The following CMTR1 variants were observed in gnomAD, a reference collection of about 807,000 sequenced individuals.
CMTR1 encodes cap methyltransferase 1.
CMTR1 carries 39 observed loss-of-function variants against 107.0 expected under a neutral mutation model. That is an observed-to-expected ratio of 0.36 (90% CI 0.28 to 0.48). The LOEUF (loss-of-function observed/expected upper bound fraction) is 0.48, where lower values mean the gene tolerates loss of function less well. Among genes scored for constraint, CMTR1 ranks in the 20% least tolerant of loss-of-function variants. The pLI, the probability that CMTR1 is intolerant of heterozygous loss-of-function variation, is 0.99. For synonymous variants in CMTR1, 366 were observed against 379.5 expected, an observed-to-expected ratio of 0.96 and a Z score of 0.41; for missense variants, 672 against 1,064.9, an observed-to-expected ratio of 0.63 and a Z score of 5.14.
chr6:37,451,486 C>G (rs1005499288), intron 5 of CMTR1, among the ~76,000 whole-genome samples: 2 of 152,162 alleles, frequency 1.3e-5, no homozygotes, highest in Non-Finnish European at 2.9e-5. Flanking sequence ...CCTTCTGCCT[C>G]CATGCTCCAG....
At position 37,478,426 on chromosome 6, in the gene CMTR1, T is replaced by C. The variant is rs1761784776; in HGVS notation, c.2171T>C (p.Ile724Thr). The change falls in exon 22 of 24, where the codon ATC becomes ACC. Residue 724 changes from isoleucine (I) to threonine (T), a missense_variant. Physicochemically the swap from Ile to Thr is moderately conservative, Grantham distance 89 (BLOSUM62 -1). Coordinates refer to ENST00000373451, the MANE Select transcript of CMTR1 (RefSeq NM_015050.3). Reference protein sequence around the residue: ...KIFVRLEMKIIKGSSGTPKLS... With the variant: ...KIFVRLEMKITKGSSGTPKLS... ...GAAATCAGGTTGGAGATGAAGATCA[T>C]CAAGGGCTCCAGTGGCACCCCAAAG... is the stretch of plus-strand genomic sequence containing the variant. 1.2e-6 allele frequency: 2 copies of C among 1,614,002 alleles called. No individual in the cohort carries two copies. The highest frequency in any genetic ancestry group is 1.7e-6 in the Non-Finnish European group (2 of 1,179,918).
upstream of CMTR1, among the ~76,000 whole-genome samples, chr6:37,431,808 G>C (rs1158386518): frequency 1.3e-5 from 2 of 152,136 alleles, no homozygotes; most frequent in Non-Finnish European, 2.9e-5. Flanking sequence ...GACATGGCAT[G>C]TTTTGTTTTG....
At chr6:37,466,898 C>T (rs1038592505) in intron 13 of CMTR1, among the ~76,000 whole-genome samples, 16 of 152,214 alleles carry the variant, frequency 1.1e-4, no homozygotes, top group South Asian at 8.3e-4. Flanking sequence ...GGGCCAGGCA[C>T]GGTGGCTCAC....
At chr6:37,433,562 GAC>G (rs1771442316) in intron 1 of CMTR1, among the ~76,000 whole-genome samples, 185 bp downstream of exon 1, 1 of 152,226 alleles carries the variant, frequency 6.6e-6, no homozygotes, top group South Asian at 2.1e-4. Flanking sequence ...AGCTGCCGCT[GAC>G]ACACGTCTCT....
Position 37,434,005 on chromosome 6 carries a change from C to T in CMTR1, c.-7+628C>T, listed in dbSNP as rs549801713. On this transcript the variant is annotated intron_variant, in intron 1 of 23. Coordinates refer to ENST00000373451, the MANE Select transcript of CMTR1 (RefSeq NM_015050.3). ...GCTTTGAGTTTGCTGTACTTCCAGT[C>T]TCCCCCCGAGTCACTTAAGAATTAA... Among the ~76,000 whole-genome samples the T allele has an allele frequency of 4.7e-3, 718 of 152,324 alleles. 2 individuals carry two copies. The highest frequency in any genetic ancestry group is 0.016 in the African/African-American group (656 of 41,558).
At chr6:37,451,488 A>G (rs575758261) in intron 5 of CMTR1, among the ~76,000 whole-genome samples, 1 of 152,312 alleles carries the variant, frequency 6.6e-6, no homozygotes, top group Admixed American at 6.5e-5. Flanking sequence ...TTCTGCCTCC[A>G]TGCTCCAGGG....
At chr6:37,450,069 G>T (rs1048395869) in intron 4 of CMTR1, among the ~76,000 whole-genome samples, 182 bp from the exon 5 acceptor site, 6 of 152,202 alleles carry the variant, frequency 3.9e-5, no homozygotes, top group Non-Finnish European at 7.3e-5. Context: ...GGCTTTAGAA[G>T]TTAAACTTTA....
Position 37,458,895 on chromosome 6 carries a change from T to A in CMTR1, c.976+85T>A. The A allele has an allele frequency of 1.6e-6, 2 of 1,265,926 alleles. No homozygotes were observed. Among genetic ancestry groups the A allele is most frequent in the Non-Finnish European group, 2.2e-6 (2 of 894,018 alleles). The allele number at this position is 1,265,926 out of a possible 1,614,324, so 78.4% of individuals were successfully genotyped here. On this transcript the variant is annotated intron_variant, in intron 9 of 23. Transcript: ENST00000373451. The surrounding 1 kb of genome is among the most constrained non-coding windows in gnomAD (Gnocchi z 4.7). ...AGGTCAGAAGCAGTTGTTATCCACA[T>A]GCCATATTTTCTTTCCTAGGTCTCT...
In CMTR1 at chr6:37,462,976, A is replaced by G. The variant is rs1254856095; in HGVS notation, c.1473A>G (p.Glu491=). ...TGGAGGTGATCAAGGGAGACCATGA[A>G]TTTACTGACTACATGATACGGTCCA... ...VPLEVIKGDH[E]FTDYMIRSNE... Residue 491 remains glutamate, a synonymous_variant, in exon 13 of 24, where the codon GAA becomes GAG. Transcript: ENST00000373451. The G allele has an allele frequency of 1.2e-6, 2 of 1,614,138 alleles. No homozygotes were observed. The highest frequency in any genetic ancestry group is 1.7e-5 in the Admixed American group (1 of 60,016).
intron 10 of CMTR1, among the ~76,000 whole-genome samples, chr6:37,460,600 C>T (rs189136828): frequency 1.2e-4 from 19 of 152,042 alleles, no homozygotes; most frequent in Admixed American, 1.1e-3. Context: ...CTGGAAGACA[C>T]TCCTAAACAT....
chr6:37,430,789 C>T (rs1281204695), upstream of CMTR1, among the ~76,000 whole-genome samples: 3 of 151,982 alleles, frequency 2.0e-5, no homozygotes, highest in Non-Finnish European at 2.9e-5. Context: ...CTGAGGTGGG[C>T]GGATCACGAG....
In CMTR1 at chr6:37,478,477, G is replaced by A. The variant is rs1408097937; in HGVS notation, c.2222G>A (p.Arg741Gln). 2.2e-5 allele frequency: 35 copies of A among 1,613,952 alleles called. No homozygotes were observed. Among genetic ancestry groups the A allele is most frequent in the Non-Finnish European group, 3.0e-5 (35 of 1,180,018 alleles). ...CTCAGCTACACAGGGCGTGATGACC[G>A]GCACTTTGTACCCATGGGCCTCTAC... ...PKLSYTGRDD[R>Q]HFVPMGLYIV... is the part of the protein sequence containing the mutation. Residue 741 changes from arginine to glutamine, a missense_variant, in exon 22 of 24, where the codon CGG becomes CAG. By Grantham distance (43) the Arg-to-Gln change is conservative. Around this residue, in one of 2 missense-constraint regions of CMTR1, gnomAD observed 583 missense variants for 968.4 expected, o/e 0.60. Coordinates refer to ENST00000373451, the MANE Select transcript of CMTR1 (RefSeq NM_015050.3).
chr6:37,448,284 C>T (rs1771851456), intron 4 of CMTR1, among the ~76,000 whole-genome samples: 1 of 150,820 alleles, frequency 6.6e-6, no homozygotes, highest in African/African-American at 2.4e-5. Context: ...GTCTGGGTGT[C>T]CAGGGGTGGA....
chr6:37,446,499 T>A, intron 4 of CMTR1, 50 bp downstream of exon 4: 1 of 1,575,836 alleles, frequency 6.3e-7, no homozygotes, highest in East Asian at 2.2e-5. Context: ...TGTTTTTGGA[T>A]GCATGGCTTT....
chr6:37,478,347 A>G (rs1761781736), intron 21 of CMTR1, 62 bp from the exon 22 acceptor site: 1 of 1,266,614 alleles, frequency 7.9e-7, no homozygotes, highest in African/African-American at 1.5e-5. Flanking sequence ...TATTAGTCAG[A>G]GACTAATTTT....
At chr6:37,473,755 C>T (rs1439306745) in intron 17 of CMTR1, among the ~76,000 whole-genome samples, 154 bp downstream of exon 17, 4 of 152,164 alleles carry the variant, frequency 2.6e-5, no homozygotes, top group African/African-American at 9.7e-5. Context: ...AACTTCGTTT[C>T]CTTTCTTCCT....
At chr6:37,473,087 A>AT (rs1399311379) in intron 16 of CMTR1, among the ~76,000 whole-genome samples, 1 of 152,148 alleles carries the variant, frequency 6.6e-6, no homozygotes, top group Non-Finnish European at 1.5e-5. Context: ...GTATGTGTAC[A>AT]TTTTTCTAAA....
intron 13 of CMTR1, among the ~76,000 whole-genome samples, 198 bp from the exon 14 acceptor site, chr6:37,470,823 G>A (rs536375966): frequency 6.6e-6 from 1 of 152,262 alleles, no homozygotes; most frequent in South Asian, 2.1e-4. Context: ...GAGTGACCCA[G>A]TTTTCCTGTT....
rs779667558 is a variant in CMTR1, at chr6:37,471,897, T to A, written c.1613T>A (p.Leu538His). 1 of 1,613,264 alleles carries A rather than the reference T, an allele frequency of 6.2e-7. No homozygotes were observed. The highest frequency in any genetic ancestry group is 1.3e-5 in the African/African-American group (1 of 74,898). The stretch of plus-strand genomic sequence containing the variant: ...GAGATACGGAAGGAGTGCCTCCGAC[T>A]CTGGGGGGTGAGTATCTCCCCCGCC... Reference protein sequence around the residue: ...QAEIRKECLRLWGIPDQARVA... With the variant: ...QAEIRKECLRHWGIPDQARVA... Residue 538 changes from leucine to histidine, a missense_variant, in exon 15 of 24, where the codon CTC becomes CAC. By Grantham distance (99) the Leu-to-His change is moderately conservative. Around this residue, in one of 2 missense-constraint regions of CMTR1, gnomAD observed 583 missense variants for 968.4 expected, o/e 0.60. Transcript: ENST00000373451.
Sources: allele counts gnomAD v4.1 joint callset (sites outside exome capture counted in the v4.1 genomes callset), GRCh38; gene constraint gnomAD v4.1.1; regional missense constraint gnomAD v4.1.1; non-coding constraint Gnocchi (gnomAD v3.1); transcripts MANE v1.5; gene names NCBI Gene and HGNC (gene_info 2026-07-23, HGNC 2026-07-21).